Variants in TRAF3IP3 observed in about 807,000 individuals in gnomAD.
TRAF3IP3 encodes TRAF3 interacting protein 3, also known as TRAF3-interacting JNK-activating modulator.
In TRAF3IP3, 64 loss-of-function variants were observed where a neutral mutation model predicts 86.5. The ratio of observed to expected loss-of-function variants is 0.74; its 90% confidence interval spans 0.60 to 0.91. The LOEUF (loss-of-function observed/expected upper bound fraction) is 0.91, where lower values mean the gene tolerates loss of function less well. TRAF3IP3 is among the 40% of genes least tolerant of loss of function. TRAF3IP3 has a pLI of 0.00. For missense variants in TRAF3IP3, 579 were observed against 642.9 expected (o/e 0.90, Z 1.07); for synonymous variants, 220 against 243.9 (o/e 0.90, Z 0.91).
intron 3 of TRAF3IP3, 104 bp downstream of exon 3, chr1:209,760,488 T>G: frequency 1.0e-6 from 1 of 986,054 alleles, no homozygotes; most frequent in Non-Finnish European, 1.5e-6. Context: ...AATCAAGTCC[T>G]TCTTCCTCAG....
chr1:209,762,390 CG>C, intron 3 of TRAF3IP3, 124 bp from the exon 4 acceptor site: 3 of 936,090 alleles, frequency 3.2e-6, no homozygotes, highest in Non-Finnish European at 1.4e-6. Context: ...CAGATTTGGG[CG>C]GGGGGACAAT....
intron 8 of TRAF3IP3, among the ~76,000 whole-genome samples, chr1:209,765,680 G>A (rs1558013676): frequency 6.6e-6 from 1 of 152,122 alleles, no homozygotes; most frequent in Non-Finnish European, 1.5e-5. Context: ...AAAAGAAAAA[G>A]AAAAAGAACC....
rs1234528042 is a variant in TRAF3IP3, at chr1:209,765,198, AGAGAGAGAGAGAGAGG to A, written c.702+1628_702+1643del. ...AGACAGGAGAGAGAGAGAGAGAGAG[AGAGAGAGAGAGAGAGG>A]GAGAGAGAGAGAGAGGAAGGAAGGA... On this transcript the variant is annotated intron_variant, in intron 8 of 16. Coordinates refer to ENST00000367025, the MANE Select transcript of TRAF3IP3 (RefSeq NM_025228.4). 3.1e-4 allele frequency among the ~76,000 whole-genome samples: 36 copies of A among 117,084 alleles called. 1 individual carries two copies. Among genetic ancestry groups the A allele is most frequent in the Middle Eastern group, 3.8e-3 (1 of 262 alleles). 76.8% of individuals were successfully genotyped at this position (117,084 alleles called of 152,430 possible). A position where few individuals can be genotyped will look rare whatever the true frequency, so the allele number is the denominator to read the frequency against.
chr1:209,782,083 C>T lies in TRAF3IP3; in HGVS notation c.1591C>T (p.Leu531=). 6.2e-7 allele frequency: 1 copy of T among 1,614,160 alleles called. No homozygotes were observed. The highest frequency in any genetic ancestry group is 8.5e-7 in the Non-Finnish European group (1 of 1,180,006). ...GCAATGTGGGCGATGGCTCCCAGTGCTGATGGTGGTGATTGCTGCAGCACT... is the reference window on the plus strand; with the variant it reads ...GCAATGTGGGCGATGGCTCCCAGTGTTGATGGTGGTGATTGCTGCAGCACT... The part of the protein sequence containing the change: ...RRQCGRWLPV[L]MVVIAAALAV... Residue 531 remains leucine (L), a synonymous_variant, in exon 17 of 17, where the codon CTG becomes TTG. Transcript: ENST00000367025.
chr1:209,765,227 GAGGA>G (rs60018350), intron 8 of TRAF3IP3, among the ~76,000 whole-genome samples: 6,248 of 57,064 alleles, frequency 0.11, 454 homozygotes, highest in East Asian at 0.15. Context: ...GAGAGAGAGA[GAGGA>G]AGGAAGGAAG....
At chr1:209,779,732 A>G in intron 14 of TRAF3IP3, 1 of 570,612 alleles carries the variant, frequency 1.8e-6, no homozygotes. Context: ...ATAGCAGTCC[A>G]GAGTCAACTC....
chr1:209,782,237 T>C lies in TRAF3IP3; in HGVS notation c.*89T>C. Reference sequence around the variant, plus strand: ...GGTTTGGGTACATTACAGCTTGGGTTTTCCAACTGACTTAGGATTTCTGAC... The same window carrying C: ...GGTTTGGGTACATTACAGCTTGGGTCTTCCAACTGACTTAGGATTTCTGAC... On this transcript the variant is annotated 3_prime_UTR_variant, in exon 17 of 17. Transcript: ENST00000367025. 1 of 1,001,878 alleles carries C rather than the reference T, an allele frequency of 1.0e-6. No homozygotes were observed. The highest frequency in any genetic ancestry group is 1.6e-6 in the Non-Finnish European group (1 of 629,282). The allele number at this position is 1,001,878 out of a possible 1,614,324, so 62.1% of individuals were successfully genotyped here. A position where few individuals can be genotyped will look rare whatever the true frequency, so the allele number is the denominator to read the frequency against.
chr1:209,778,703 C>T (rs1189143296), intron 13 of TRAF3IP3: 1 of 154,194 alleles, frequency 6.5e-6, no homozygotes, highest in Non-Finnish European at 1.4e-5. Flanking sequence ...GATAGAGAAG[C>T]TTCATGAAAG....
chr1:209,775,295 G>A (rs967681032), intron 9 of TRAF3IP3, 54 bp from the exon 10 acceptor site: 1 of 1,534,894 alleles, frequency 6.5e-7, no homozygotes, highest in Non-Finnish European at 8.9e-7. Flanking sequence ...CCCAGCTCAG[G>A]ATTTGGCACA....
At chr1:209,777,807 T>C (rs1486182713) in intron 12 of TRAF3IP3, 6 of 516,882 alleles carry the variant, frequency 1.2e-5, no homozygotes, top group Non-Finnish European at 1.7e-5. Context: ...AAGGGAAAGG[T>C]CAGTTGAAAC....
At chr1:209,760,512 T>C in intron 3 of TRAF3IP3, 128 bp downstream of exon 3, 2 of 782,562 alleles carry the variant, frequency 2.6e-6, no homozygotes, top group Non-Finnish European at 4.0e-6. Flanking sequence ...TATAGTAAAG[T>C]TGCCAAGAGC....
Position 209,782,195 on chromosome 1 carries a change from C to G in TRAF3IP3, c.*47C>G. 1 of 1,490,074 alleles carries G rather than the reference C, an allele frequency of 6.7e-7. No individual in the cohort carries two copies. Among genetic ancestry groups the G allele is most frequent in the Non-Finnish European group, 9.4e-7 (1 of 1,066,920 alleles). The allele number at this position is 1,490,074 out of a possible 1,614,324, so 92.3% of individuals were successfully genotyped here. On this transcript the variant is annotated 3_prime_UTR_variant, in exon 17 of 17. Transcript: ENST00000367025. ...GGGTGAAAATCAGAAGCAAGCAACTCAGCGAAAAACTCAGAAGGTTTGGGT... is the reference window on the plus strand; with the variant it reads ...GGGTGAAAATCAGAAGCAAGCAACTGAGCGAAAAACTCAGAAGGTTTGGGT...
chr1:209,767,857 G>T (rs2077387448), intron 8 of TRAF3IP3, among the ~76,000 whole-genome samples: 1 of 152,004 alleles, frequency 6.6e-6, no homozygotes, highest in African/African-American at 2.4e-5. Flanking sequence ...GACATTTCTG[G>T]GTTTGTCTCC....
In TRAF3IP3 at chr1:209,765,233, G is replaced by GAGAGAGAGA. The variant is rs1558013097; in HGVS notation, c.702+1646_702+1647insAGAGAGAGA. ...AGAGAGGGAGAGAGAGAGAGAGGAA[G>GAGAGAGAGA]GAAGGAAGGAAGGAAGGAAGGAAGG... On this transcript the variant is annotated intron_variant, in intron 8 of 16. Coordinates refer to ENST00000367025, the MANE Select transcript of TRAF3IP3 (RefSeq NM_025228.4). Among the ~76,000 whole-genome samples, 5 of 87,966 alleles carry GAGAGAGAGA rather than the reference G, an allele frequency of 5.7e-5. No homozygotes were observed. The East Asian group carries it at 9.9e-4, about 17-fold the overall frequency. 57.7% of individuals were successfully genotyped at this position (87,966 alleles called of 152,430 possible). A position where few individuals can be genotyped will look rare whatever the true frequency, so the allele number is the denominator to read the frequency against.
rs1163148062 is a variant in TRAF3IP3, at chr1:209,759,016, T to C, written c.-159-18T>C. 1 of 152,376 alleles carries C rather than the reference T, an allele frequency of 6.6e-6. No homozygotes were observed. Among genetic ancestry groups the C allele is most frequent in the Non-Finnish European group, 1.5e-5 (1 of 68,158 alleles). The allele number at this position is 152,376 out of a possible 1,614,324, so 9.4% of individuals were successfully genotyped here. ...ACTTCTGATTACTGTCTTTGTTTTG[T>C]TTCTTTTCTGTTTGCAGCAGCCTTA... On this transcript the variant is annotated intron_variant, in intron 1 of 16. Coordinates refer to ENST00000367025, the MANE Select transcript of TRAF3IP3 (RefSeq NM_025228.4).
chr1:209,781,151 T>C (rs1450500260), intron 15 of TRAF3IP3, 194 bp from the exon 16 acceptor site: 32 of 429,000 alleles, frequency 7.5e-5, no homozygotes, highest in Non-Finnish European at 1.1e-4. Flanking sequence ...TGCATTACTG[T>C]CAATCATTTA....
rs569107434 is a variant in TRAF3IP3, at chr1:209,781,560, C to T, written c.1563+102C>T. 29 of 774,566 alleles carry T rather than the reference C, an allele frequency of 3.7e-5. No individual in the cohort carries two copies. In the South Asian group the frequency reaches 4.3e-4, roughly 11 times the overall value. The allele number at this position is 774,566 out of a possible 1,614,324, so 48.0% of individuals were successfully genotyped here. On this transcript the variant is annotated intron_variant, in intron 16 of 16. Coordinates refer to ENST00000367025, the MANE Select transcript of TRAF3IP3 (RefSeq NM_025228.4). ...TATATCAGCCCACGCCAACAACTGG[C>T]CATCCTGTCCCACTGTGCTTGGTTT... is the stretch of plus-strand genomic sequence containing the variant.
At chr1:209,770,057 A>C (rs1017154445) in intron 8 of TRAF3IP3, among the ~76,000 whole-genome samples, 3 of 152,200 alleles carry the variant, frequency 2.0e-5, no homozygotes, top group Admixed American at 6.5e-5. Context: ...CTAAGCTGAA[A>C]TACTGAAAAA....
At chr1:209,763,254 C>A (rs980415429) in intron 6 of TRAF3IP3, 109 bp from the exon 7 acceptor site, 1 of 1,437,854 alleles carries the variant, frequency 7.0e-7, no homozygotes, top group Non-Finnish European at 9.8e-7. Context: ...CTGTCAGAGC[C>A]AAAGCAGAAG....
Sources: allele counts gnomAD v4.1 joint callset (sites outside exome capture counted in the v4.1 genomes callset), GRCh38; gene constraint gnomAD v4.1.1; transcripts MANE v1.5; gene names NCBI Gene and HGNC (gene_info 2026-07-23, HGNC 2026-07-21).